C8orf34: variants seen among roughly 807,000 people sequenced by gnomAD.
C8orf34 encodes the protein chromosome 8 open reading frame 34.
A neutral mutation model predicts 68.3 loss-of-function variants in C8orf34; 65 were observed. The ratio of observed to expected loss-of-function variants is 0.95; its 90% confidence interval spans 0.78 to 1.17. C8orf34 has a LOEUF of 1.17. C8orf34 is among the 50% of genes most tolerant of loss of function. C8orf34 has a pLI of 0.00. For missense variants in C8orf34, 664 were observed against 655.4 expected, an observed-to-expected ratio of 1.01 and a Z score of -0.14; for synonymous variants, 244 against 241.2, an observed-to-expected ratio of 1.01 and a Z score of -0.11.
At chr8:68,645,507 T>C (rs1819142203) in intron 8 of C8orf34, among the ~76,000 whole-genome samples, 1 of 152,190 alleles carries the variant, frequency 6.6e-6, no homozygotes, top group South Asian at 2.1e-4. Flanking sequence ...TGGTCCATCT[T>C]TCAGGATTTC....
chr8:68,343,104 A>G (rs1211429302), intron 1 of C8orf34, among the ~76,000 whole-genome samples: 1 of 152,196 alleles, frequency 6.6e-6, no homozygotes, highest in Admixed American at 6.5e-5. Flanking sequence ...AAACAAATTA[A>G]CCAACACTCC....
At chr8:68,404,810 T>G (rs950611932) in intron 1 of C8orf34, among the ~76,000 whole-genome samples, 1 of 152,216 alleles carries the variant, frequency 6.6e-6, no homozygotes, top group Non-Finnish European at 1.5e-5. Flanking sequence ...GGTAGTGTGA[T>G]GCCTCCAGCT....
intron 7 of C8orf34, among the ~76,000 whole-genome samples, chr8:68,590,574 CT>C (rs1388304954): frequency 6.6e-6 from 1 of 152,100 alleles, no homozygotes; most frequent in Non-Finnish European, 1.5e-5. Flanking sequence ...TTTTTATCCC[CT>C]GTCGAAGCCA....
At chr8:68,727,141 TG>T (rs138449825) in intron 10 of C8orf34, among the ~76,000 whole-genome samples, 47,357 of 151,964 alleles carry the variant, frequency 0.31, 7,366 homozygotes, top group Admixed American at 0.38. Flanking sequence ...CTAGATACAA[TG>T]GGGGTACAGG....
intron 1 of C8orf34, among the ~76,000 whole-genome samples, chr8:68,413,011 CTA>C (rs1392199336): frequency 6.6e-6 from 1 of 152,132 alleles, no homozygotes; most frequent in Non-Finnish European, 1.5e-5. Context: ...ATCCATAGCC[CTA>C]CCTAAATACA....
At chr8:68,519,584 C>A (rs550598211) in intron 5 of C8orf34, among the ~76,000 whole-genome samples, 30 of 148,794 alleles carry the variant, frequency 2.0e-4, no homozygotes, top group African/African-American at 6.3e-4. Flanking sequence ...TTCAATATAA[C>A]CCTTGGCTTA....
intron 1 of C8orf34, among the ~76,000 whole-genome samples, chr8:68,390,381 C>A (rs1383221999): frequency 6.6e-6 from 1 of 152,038 alleles, no homozygotes; most frequent in Admixed American, 6.6e-5. Context: ...AGGGTAGTGG[C>A]CACTTGCTTT....
At chr8:68,511,098 C>T (rs1461664638) in intron 5 of C8orf34, among the ~76,000 whole-genome samples, 2 of 152,124 alleles carry the variant, frequency 1.3e-5, no homozygotes, top group Non-Finnish European at 2.9e-5. Flanking sequence ...TGTCCTGTTG[C>T]AAAAGAAAAA....
Position 68,603,508 on chromosome 8 carries a change from T to G in C8orf34, c.1106-36868T>G, listed in dbSNP as rs1468437996. Among the ~76,000 whole-genome samples the G allele has an allele frequency of 2.4e-5, 3 of 126,812 alleles. No individual in the cohort carries two copies. The Admixed American group carries it at 2.4e-4, about 10-fold the overall frequency. The allele number at this position is 126,812 out of a possible 152,430, so 83.2% of individuals were successfully genotyped here. ...GAATACTACTCAGTGTGTATGTATA[T>G]GTATATATACATATATCTATCTATC... is the stretch of plus-strand genomic sequence containing the variant. On this transcript the variant is annotated intron_variant, in intron 7 of 13. Coordinates refer to ENST00000518698, the MANE Select transcript of C8orf34 (RefSeq NM_052958.4).
chr8:68,750,837 A>G (rs1822684683), intron 10 of C8orf34, among the ~76,000 whole-genome samples: 1 of 152,120 alleles, frequency 6.6e-6, no homozygotes, highest in South Asian at 2.1e-4. Flanking sequence ...CATTATTTCT[A>G]ATTTTTATAG....
chr8:68,505,203 T>C (rs771528873), intron 5 of C8orf34, among the ~76,000 whole-genome samples: 8 of 152,210 alleles, frequency 5.3e-5, no homozygotes, highest in Non-Finnish European at 1.0e-4. Flanking sequence ...TTGTTATGGT[T>C]TGTCTTTGAA....
At chr8:68,703,180 C>T (rs1209970586) in intron 8 of C8orf34, among the ~76,000 whole-genome samples, 1 of 152,138 alleles carries the variant, frequency 6.6e-6, no homozygotes, top group Non-Finnish European at 1.5e-5. Context: ...TAGGTACTAT[C>T]ATAGGCTCTG....
At chr8:68,366,342 A>G in intron 1 of C8orf34, among the ~76,000 whole-genome samples, 1 of 138,266 alleles carries the variant, frequency 7.2e-6, no homozygotes, top group African/African-American at 3.0e-5. Flanking sequence ...TTATAGATTC[A>G]ATGTCATCCC....
chr8:68,634,080 G>C (rs1818769294), intron 7 of C8orf34, among the ~76,000 whole-genome samples: 1 of 152,270 alleles, frequency 6.6e-6, no homozygotes, highest in African/African-American at 2.4e-5. Context: ...ACAAAGAATG[G>C]TAAATTGTGA....
At chr8:68,693,732 A>T (rs2130913932) in intron 8 of C8orf34, among the ~76,000 whole-genome samples, 1 of 152,236 alleles carries the variant, frequency 6.6e-6, no homozygotes, top group South Asian at 2.1e-4. Context: ...GAAAACAAGT[A>T]CAGCACAATG....
chr8:68,588,277 A>T (rs1371732870), intron 7 of C8orf34, among the ~76,000 whole-genome samples: 1 of 152,142 alleles, frequency 6.6e-6, no homozygotes, highest in Non-Finnish European at 1.5e-5. Flanking sequence ...GATAATTATG[A>T]TGTAAAGATG....
At chr8:68,358,709 A>T (rs552662888) in intron 1 of C8orf34, among the ~76,000 whole-genome samples, 4 of 141,458 alleles carry the variant, frequency 2.8e-5, no homozygotes, top group Admixed American at 2.7e-4. Context: ...ATTCATATTT[A>T]TTTATTTTTT....
chr8:68,482,711 A>G (rs1181486425), intron 4 of C8orf34, among the ~76,000 whole-genome samples: 1 of 152,182 alleles, frequency 6.6e-6, no homozygotes. Flanking sequence ...CTCTGAAAAT[A>G]AGCCCTGATT....
chr8:68,460,186 T>G (rs536877084), intron 3 of C8orf34, among the ~76,000 whole-genome samples: 2 of 152,308 alleles, frequency 1.3e-5, no homozygotes, highest in South Asian at 4.1e-4. Flanking sequence ...TCTCGCTGAT[T>G]GCTAGCACAG....
Sources: allele counts gnomAD v4.1 joint callset (sites outside exome capture counted in the v4.1 genomes callset), GRCh38; gene constraint gnomAD v4.1.1; transcripts MANE v1.5; gene names NCBI Gene and HGNC (gene_info 2026-07-23, HGNC 2026-07-21).